ST18: variants seen among roughly 807,000 people sequenced by gnomAD.
The protein encoded by ST18 is ST18 C2H2C-type zinc finger transcription factor, also known as suppression of tumorigenicity 18 protein.
A neutral mutation model predicts 110.0 loss-of-function variants in ST18; 50 were observed. The observed-to-expected ratio is 0.45, with a 90% CI of 0.36 to 0.58. The LOEUF is 0.58. Ranked by LOEUF, ST18 falls within the 20% of genes least tolerant of loss-of-function variation. The pLI, the probability that ST18 is intolerant of heterozygous loss-of-function variation, is 0.00. For synonymous variants in ST18, 461 were observed against 452.4 expected (o/e 1.02, Z -0.24); for missense variants, 1,306 against 1,280.1 (o/e 1.02, Z -0.31).
intron 2 of ST18, among the ~76,000 whole-genome samples, chr8:52,283,200 G>A (rs1025912731): frequency 6.6e-6 from 1 of 152,206 alleles, no homozygotes; most frequent in Non-Finnish European, 1.5e-5. Flanking sequence ...CTTGACAGTG[G>A]ATGGAAATAA....
chr8:52,393,481 A>T (rs1239576298), intron 2 of ST18: 1 of 152,124 alleles, frequency 6.6e-6, no homozygotes, highest in Non-Finnish European at 1.5e-5. Context: ...CTTTTCACTG[A>T]CCATATAAAA....
intron 2 of ST18, among the ~76,000 whole-genome samples, chr8:52,312,320 G>A (rs1470834646): frequency 6.6e-6 from 1 of 152,174 alleles, no homozygotes; most frequent in East Asian, 1.9e-4. Context: ...TTGCAAGGAG[G>A]GCTGTTAACA....
In ST18 at chr8:52,161,522, T is replaced by A; in HGVS notation, c.1447A>T (p.Ile483Phe). Residue 483 changes from isoleucine (I) to phenylalanine (F), a missense_variant, in exon 14 of 26, where the codon ATC (isoleucine) becomes TTC (phenylalanine). By Grantham distance (21) the Ile-to-Phe change is conservative. Coordinates refer to ENST00000689386, the MANE Select transcript of ST18 (RefSeq NM_001352837.2). The part of the protein sequence containing the change: ...QIEFNFPSQA[I>F]TSPRATVSKE... ...GACACTGTGGCTCTGGGAGAGGTGA[T>A]GGCTTGTGACGGGAAATTGAATTCA... 6.2e-7 allele frequency: 1 copy of A among 1,614,218 alleles called. No homozygotes were observed. The highest frequency in any genetic ancestry group is 1.1e-5 in the South Asian group (1 of 91,086).
chr8:52,236,048 C>T (rs1564233972), intron 2 of ST18, among the ~76,000 whole-genome samples: 2 of 152,146 alleles, frequency 1.3e-5, no homozygotes, highest in East Asian at 1.9e-4. Context: ...ACATACTGAT[C>T]TTGGATTAAA....
At chr8:52,182,552 C>A (rs1269336825) in intron 8 of ST18, among the ~76,000 whole-genome samples, 1 of 152,080 alleles carries the variant, frequency 6.6e-6, no homozygotes, top group East Asian at 1.9e-4. Context: ...AAATGAAAGA[C>A]AAATGCTGTG....
At chr8:52,242,724 T>C (rs1325906836) in intron 2 of ST18, among the ~76,000 whole-genome samples, 2 of 151,774 alleles carry the variant, frequency 1.3e-5, no homozygotes, top group Admixed American at 1.3e-4. Flanking sequence ...AAAAATTAGC[T>C]GGGGGTGGTG....
chr8:52,193,099 A>G (rs2075106728), intron 8 of ST18, among the ~76,000 whole-genome samples: 2 of 152,208 alleles, frequency 1.3e-5, no homozygotes, highest in Non-Finnish European at 1.5e-5. Flanking sequence ...CATGGTGACC[A>G]AGGGCTCAAA....
intron 2 of ST18, among the ~76,000 whole-genome samples, chr8:52,293,565 C>A (rs986552903): frequency 3.9e-5 from 6 of 152,208 alleles, no homozygotes; most frequent in Non-Finnish European, 7.3e-5. Flanking sequence ...ACATTTGTCA[C>A]AATGCTTTGC....
At chr8:52,240,886 T>A (rs1564266154) in intron 2 of ST18, among the ~76,000 whole-genome samples, 1 of 152,204 alleles carries the variant, frequency 6.6e-6, no homozygotes, top group Non-Finnish European at 1.5e-5. Context: ...CCCAAAGGTG[T>A]ATTTCTTCAT....
intron 22 of ST18, among the ~76,000 whole-genome samples, chr8:52,127,235 T>C (rs1430508560): frequency 6.6e-6 from 1 of 152,166 alleles, no homozygotes; most frequent in Admixed American, 6.5e-5. Flanking sequence ...GTCTATGAAA[T>C]ATAGAAAATA....
intron 2 of ST18, among the ~76,000 whole-genome samples, chr8:52,265,216 C>T (rs1051364176): frequency 3.3e-5 from 5 of 152,160 alleles, no homozygotes; most frequent in Non-Finnish European, 7.3e-5. Context: ...GAGCAGGAGC[C>T]TGGTATATTT....
intron 2 of ST18, among the ~76,000 whole-genome samples, chr8:52,242,132 A>T (rs1456155559): frequency 1.3e-5 from 2 of 152,240 alleles, no homozygotes; most frequent in Non-Finnish European, 2.9e-5. Flanking sequence ...CTTGCAGATT[A>T]ATCTATAATA....
In ST18 at chr8:52,123,688, G is replaced by A. The variant is rs148395149; in HGVS notation, c.2755+2364C>T. Among the ~76,000 whole-genome samples the A allele has an allele frequency of 6.1e-3, 927 of 152,312 alleles. 10 individuals are homozygous for A. Among genetic ancestry groups the A allele is most frequent in the African/African-American group, 0.021 (857 of 41,564 alleles). ...CGCTGCTGCTCTATATTCTTTGAAA[G>A]CTCAGCTGAAGATGCTAGACATATA... On this transcript the variant is annotated intron_variant, in intron 23 of 25. Coordinates refer to ENST00000689386, the MANE Select transcript of ST18 (RefSeq NM_001352837.2).
chr8:52,275,211 C>T (rs1199363384), intron 2 of ST18, among the ~76,000 whole-genome samples: 1 of 151,930 alleles, frequency 6.6e-6, no homozygotes, highest in Non-Finnish European at 1.5e-5. Context: ...AAAAATAAAC[C>T]TTAACTATTG....
intron 8 of ST18, among the ~76,000 whole-genome samples, chr8:52,211,576 T>G (rs565096636): frequency 3.9e-5 from 6 of 152,082 alleles, no homozygotes; most frequent in African/African-American, 1.4e-4. Flanking sequence ...CTGGCTAATT[T>G]TTTATATTTT....
intron 2 of ST18, among the ~76,000 whole-genome samples, chr8:52,330,875 G>C (rs1808970414): frequency 6.6e-6 from 1 of 152,228 alleles, no homozygotes; most frequent in Non-Finnish European, 1.5e-5. Flanking sequence ...AAAAGGCAAA[G>C]AAGCAGAGAC....
chr8:52,363,012 C>T (rs1369673822), intron 2 of ST18, among the ~76,000 whole-genome samples: 4 of 152,134 alleles, frequency 2.6e-5, no homozygotes, highest in Non-Finnish European at 1.5e-5. Flanking sequence ...GAGATGGAGA[C>T]CATCCTGGCT....
At chr8:52,129,851 C>G (rs913664052) in intron 22 of ST18, among the ~76,000 whole-genome samples, 1 of 152,014 alleles carries the variant, frequency 6.6e-6, no homozygotes, top group African/African-American at 2.4e-5. Context: ...TCGAGACCAG[C>G]CTGACCAACA....
intron 2 of ST18, among the ~76,000 whole-genome samples, chr8:52,287,166 T>C (rs982162075): frequency 1.3e-5 from 2 of 152,168 alleles, no homozygotes; most frequent in African/African-American, 2.4e-5. Context: ...GATGGATATA[T>C]GAAGGTCCAG....
Sources: gnomAD v4.1 joint callset for allele counts (sites outside exome capture counted in the v4.1 genomes callset) on GRCh38, gnomAD v4.1.1 for gene constraint, MANE v1.5 for transcripts, NCBI Gene and HGNC (gene_info 2026-07-23, HGNC 2026-07-21) for gene names.